The following ATF1 variants were observed in gnomAD, a reference collection of about 807,000 sequenced individuals.
ATF1 encodes cyclic AMP-dependent transcription factor ATF-1.
Under a neutral mutation model 34.7 loss-of-function variants are expected in ATF1, and 16 were observed. That is an observed-to-expected ratio of 0.46 (90% CI 0.31 to 0.70). ATF1 has a LOEUF of 0.70. Among genes scored for constraint, ATF1 ranks in the 30% least tolerant of loss-of-function variants. The pLI, the probability that ATF1 is intolerant of heterozygous loss-of-function variation, is 0.05. For synonymous variants in ATF1, 105 were observed against 113.1 expected, an observed-to-expected ratio of 0.93 and a Z score of 0.46; for missense variants, 255 against 321.6, an observed-to-expected ratio of 0.79 and a Z score of 1.58.
intron 1 of ATF1, among the ~76,000 whole-genome samples, chr12:50,767,781 T>C (rs1310891837): frequency 6.6e-6 from 1 of 152,158 alleles, no homozygotes; most frequent in Non-Finnish European, 1.5e-5. Flanking sequence ...TTAAAAGCCC[T>C]TATAAGCTCA....
chr12:50,805,589 G>A (rs1160913103), intron 3 of ATF1, among the ~76,000 whole-genome samples: 10 of 145,336 alleles, frequency 6.9e-5, no homozygotes, highest in African/African-American at 2.6e-4. Flanking sequence ...AAAACCTTTT[G>A]TGATTCTTAA....
intron 2 of ATF1, among the ~76,000 whole-genome samples, chr12:50,790,590 T>G (rs1285881308): frequency 6.6e-6 from 1 of 152,090 alleles, no homozygotes; most frequent in East Asian, 1.9e-4. Context: ...CAAGACAGAT[T>G]TTATCAGATT....
intron 2 of ATF1, among the ~76,000 whole-genome samples, 190 bp from the exon 3 acceptor site, chr12:50,795,719 A>G (rs530816434): frequency 4.6e-5 from 7 of 152,130 alleles, no homozygotes; most frequent in Non-Finnish European, 1.0e-4. Context: ...TATTCCTTTA[A>G]TAGGTTGGGC....
intron 2 of ATF1, among the ~76,000 whole-genome samples, chr12:50,790,997 T>C (rs1941290100): frequency 1.3e-5 from 2 of 152,078 alleles, no homozygotes; most frequent in Non-Finnish European, 2.9e-5. Flanking sequence ...AATTTTTTGG[T>C]AGAATTGAAC....
In ATF1 at chr12:50,821,005, G is replaced by A. The variant is rs1010745594; in HGVS notation, c.*1226G>A. On this transcript the variant is annotated 3_prime_UTR_variant, in exon 7 of 7. Coordinates refer to ENST00000262053, the MANE Select transcript of ATF1 (RefSeq NM_005171.5). Reference sequence around the variant, plus strand: ...TCAAAAATACTGTCAGTACACCAGCGTTTAACATCTATATTCCAATTTGTA... The same window carrying A: ...TCAAAAATACTGTCAGTACACCAGCATTTAACATCTATATTCCAATTTGTA... 23 of 180,362 alleles carry A rather than the reference G, an allele frequency of 1.3e-4. No individual in the cohort carries two copies. The highest frequency in any genetic ancestry group is 5.0e-4 in the Admixed American group (8 of 15,910). The allele number at this position is 180,362 out of a possible 1,614,324, so 11.2% of individuals were successfully genotyped here. A position where few individuals can be genotyped will look rare whatever the true frequency, so the allele number is the denominator to read the frequency against.
Position 50,820,963 on chromosome 12 carries a change from T to C in ATF1, c.*1184T>C, listed in dbSNP as rs1941938134. 5.5e-6 allele frequency: 1 copy of C among 180,244 alleles called. No homozygotes were observed. Among genetic ancestry groups the C allele is most frequent in the South Asian group, 2.0e-4 (1 of 5,080 alleles). The allele number at this position is 180,244 out of a possible 1,614,324, so 11.2% of individuals were successfully genotyped here. ...TAATATTTGCATTGTAAATTTTGTA[T>C]GCAGTTTATCTAAAATTCAAAAATA... is the stretch of plus-strand genomic sequence containing the variant. On this transcript the variant is annotated 3_prime_UTR_variant, in exon 7 of 7. Transcript: ENST00000262053.
rs891268084 is a variant in ATF1 at position 50,819,844 on chromosome 12, T to A, written c.*65T>A. The A allele has an allele frequency of 1.5e-6, 2 of 1,347,700 alleles. No homozygotes were observed. The highest frequency in any genetic ancestry group is 1.0e-6 in the Non-Finnish European group (1 of 984,214). The allele number at this position is 1,347,700 out of a possible 1,614,324, so 83.5% of individuals were successfully genotyped here. ...ATTAAATGGATTTCCTAGTGGAGTT[T>A]TATAAATTAAAAGGTCAAAACTGAA... On this transcript the variant is annotated 3_prime_UTR_variant, in exon 7 of 7. Coordinates refer to ENST00000262053, the MANE Select transcript of ATF1 (RefSeq NM_005171.5).
At chr12:50,803,089 C>T (rs941606328) in intron 3 of ATF1, among the ~76,000 whole-genome samples, 17 of 150,432 alleles carry the variant, frequency 1.1e-4, no homozygotes, top group Admixed American at 8.6e-4. Flanking sequence ...GGTGAAACCC[C>T]GTCTCTACTA....
At chr12:50,790,883 T>C (rs1417211134) in intron 2 of ATF1, among the ~76,000 whole-genome samples, 4 of 152,052 alleles carry the variant, frequency 2.6e-5, no homozygotes, top group African/African-American at 9.7e-5. Flanking sequence ...AATGTCTACA[T>C]CTCATGGGAC....
intron 4 of ATF1, 27 bp from the exon 5 acceptor site, chr12:50,813,983 A>G (rs1941788989): frequency 1.3e-6 from 2 of 1,596,762 alleles, no homozygotes; most frequent in Non-Finnish European, 1.7e-6. Context: ...TAACCTTACA[A>G]TAGCTATTTT....
intron 4 of ATF1, among the ~76,000 whole-genome samples, chr12:50,813,783 C>T (rs929444407): frequency 1.3e-5 from 2 of 151,786 alleles, no homozygotes; most frequent in African/African-American, 2.4e-5. Flanking sequence ...CACTGCACTC[C>T]AGCCTGGGCG....
At chr12:50,790,463 G>C (rs1941278958) in intron 2 of ATF1, among the ~76,000 whole-genome samples, 1 of 152,064 alleles carries the variant, frequency 6.6e-6, no homozygotes, top group Non-Finnish European at 1.5e-5. Context: ...AAAGTGCTGG[G>C]ATTATAGGTG....
chr12:50,781,876 C>T (rs1057435994), intron 2 of ATF1, among the ~76,000 whole-genome samples: 2 of 146,442 alleles, frequency 1.4e-5, no homozygotes, highest in Non-Finnish European at 3.0e-5. Flanking sequence ...AATCATGCCA[C>T]TGCACTCCAG....
At chr12:50,811,350 C>T (rs1417613387) in intron 4 of ATF1, among the ~76,000 whole-genome samples, 1 of 151,970 alleles carries the variant, frequency 6.6e-6, no homozygotes, top group Non-Finnish European at 1.5e-5. Flanking sequence ...CTGTTTTCCC[C>T]ACTAGAATAT....
chr12:50,813,888 G>A (rs1941787267), intron 4 of ATF1, 122 bp from the exon 5 acceptor site: 9 of 890,710 alleles, frequency 1.0e-5, no homozygotes, highest in Non-Finnish European at 1.5e-5. Flanking sequence ...GTAGTCTGCA[G>A]TTACCAAGTA....
intron 2 of ATF1, among the ~76,000 whole-genome samples, chr12:50,788,561 T>C (rs1345084778): frequency 2.0e-5 from 3 of 152,050 alleles, no homozygotes; most frequent in Non-Finnish European, 4.4e-5. Flanking sequence ...CATATTTCTT[T>C]GGCCTCAAAT....
chr12:50,810,365 G>A (rs1477365860), intron 4 of ATF1, among the ~76,000 whole-genome samples: 1 of 151,404 alleles, frequency 6.6e-6, no homozygotes, highest in Admixed American at 6.6e-5. Context: ...TTACAGGCGT[G>A]TACCACTTCG....
chr12:50,772,971 C>G (rs1410828999), intron 1 of ATF1, among the ~76,000 whole-genome samples: 1 of 152,140 alleles, frequency 6.6e-6, no homozygotes, highest in African/African-American at 2.4e-5. Flanking sequence ...ACCATGTGTC[C>G]CCGTGTTCTC....
chr12:50,815,813 C>T (rs1426440422), intron 6 of ATF1, among the ~76,000 whole-genome samples: 1 of 152,182 alleles, frequency 6.6e-6, no homozygotes, highest in Admixed American at 6.5e-5. Context: ...GATACCTGTA[C>T]TCATAAGTTT....
Sources: allele counts gnomAD v4.1 joint callset (sites outside exome capture counted in the v4.1 genomes callset), GRCh38; gene constraint gnomAD v4.1.1; transcripts MANE v1.5; gene names NCBI Gene and HGNC (gene_info 2026-07-23, HGNC 2026-07-21).